Variants in TTC28 observed in about 807,000 individuals in gnomAD.
The protein encoded by TTC28 is tetratricopeptide repeat domain 28.
Under a neutral mutation model 198.0 loss-of-function variants are expected in TTC28, and 61 were observed. That is an observed-to-expected ratio of 0.31 (90% CI 0.25 to 0.38). TTC28 has a LOEUF of 0.38. TTC28 is among the 10% of genes least tolerant of loss of function. The pLI, the probability that TTC28 is intolerant of heterozygous loss-of-function variation, is 1.00. For missense variants in TTC28, 2,678 were observed against 3,164.0 expected (o/e 0.85, Z 3.69); for synonymous variants, 1,171 against 1,297.8 (o/e 0.90, Z 2.10).
intron 12 of TTC28, among the ~76,000 whole-genome samples, chr22:28,031,178 C>G (rs1939060165): frequency 1.3e-5 from 2 of 152,184 alleles, no homozygotes; most frequent in Admixed American, 1.3e-4. Context: ...GACACACGGA[C>G]AGCCAGGCCA....
At chr22:28,154,510 C>A (rs564080989) in intron 6 of TTC28, among the ~76,000 whole-genome samples, 2 of 152,050 alleles carry the variant, frequency 1.3e-5, no homozygotes, top group South Asian at 4.2e-4. Flanking sequence ...GCCGCCACGC[C>A]CAGCTAATTT....
At chr22:28,213,780 T>C (rs991285165) in intron 5 of TTC28, among the ~76,000 whole-genome samples, 1 of 152,048 alleles carries the variant, frequency 6.6e-6, no homozygotes, top group Non-Finnish European at 1.5e-5. Flanking sequence ...AAAAAACTAC[T>C]TTAAAGTTCA....
chr22:28,652,174 C>T (rs567669261), intron 1 of TTC28, among the ~76,000 whole-genome samples: 15 of 152,280 alleles, frequency 9.9e-5, no homozygotes, highest in Admixed American at 3.3e-4. Context: ...CATTATATTC[C>T]ATGCATCAAT....
At chr22:28,169,054 C>CA (rs1297470479) in intron 5 of TTC28, among the ~76,000 whole-genome samples, 2 of 152,024 alleles carry the variant, frequency 1.3e-5, no homozygotes, top group Non-Finnish European at 2.9e-5. Context: ...TTTATGCAGC[C>CA]AAAAAACACA....
chr22:28,556,828 T>C (rs936760505), intron 2 of TTC28, among the ~76,000 whole-genome samples: 4 of 152,176 alleles, frequency 2.6e-5, no homozygotes, highest in African/African-American at 9.7e-5. Flanking sequence ...CCTCATAAGC[T>C]GATGCTGGTT....
chr22:28,537,296 A>ATAACATAAC (rs1569008965), intron 2 of TTC28, among the ~76,000 whole-genome samples: 2 of 94,644 alleles, frequency 2.1e-5, no homozygotes, highest in African/African-American at 7.9e-5. Context: ...CCGTCTCAAA[A>ATAACATAAC]ATAAAATAAA....
At chr22:28,218,785 C>T (rs947970429) in intron 5 of TTC28, among the ~76,000 whole-genome samples, 4 of 151,934 alleles carry the variant, frequency 2.6e-5, no homozygotes, top group African/African-American at 9.7e-5. Context: ...ATTTTTAAGT[C>T]AAACTGGCTC....
At chr22:28,657,406 G>A (rs2051676660) in intron 1 of TTC28, among the ~76,000 whole-genome samples, 1 of 152,156 alleles carries the variant, frequency 6.6e-6, no homozygotes, top group African/African-American at 2.4e-5. Flanking sequence ...ACTCTCTACT[G>A]AGAACATCCA....
intron 1 of TTC28, among the ~76,000 whole-genome samples, chr22:28,677,506 G>C (rs2052017564): frequency 6.6e-6 from 1 of 152,004 alleles, no homozygotes; most frequent in Admixed American, 6.6e-5. Flanking sequence ...ACAAAAATTA[G>C]CCGGGTCTAG....
chr22:28,581,360 A>G (rs991980937), intron 2 of TTC28, among the ~76,000 whole-genome samples: 2 of 152,216 alleles, frequency 1.3e-5, no homozygotes, highest in Non-Finnish European at 2.9e-5. Context: ...ACCCAGCGTT[A>G]GGTATTTTAT....
At position 27,993,490 on chromosome 22, in the gene TTC28, T is replaced by C; in HGVS notation, c.5273A>G (p.Asn1758Ser). ...TGTGTACATGGCATTGCGCTGCCCA[T>C]TCTGGATGCGCTGCAGGGATTTCTC... is the stretch of plus-strand genomic sequence containing the variant. ...LVEKSLQRIQ[N>S]GQRNAMYTSQ... Residue 1758 changes from asparagine to serine, a missense_variant, in exon 18 of 23, where the codon AAT (asparagine) becomes AGT (serine). Around this residue, in one of 8 missense-constraint regions of TTC28, gnomAD observed 314 missense variants for 442.7 expected, o/e 0.71. Coordinates refer to ENST00000397906, the MANE Select transcript of TTC28 (RefSeq NM_001145418.2). The C allele has an allele frequency of 4.5e-6, 7 of 1,549,240 alleles. No homozygotes were observed. The highest frequency in any genetic ancestry group is 6.1e-6 in the Non-Finnish European group (7 of 1,145,290).
intron 2 of TTC28, among the ~76,000 whole-genome samples, chr22:28,373,942 G>T (rs2046373859): frequency 6.6e-6 from 1 of 152,162 alleles, no homozygotes. Context: ...GAAACATCCT[G>T]CCTCCCTTCT....
At chr22:28,395,098 T>A (rs1338138493) in intron 2 of TTC28, among the ~76,000 whole-genome samples, 1 of 152,192 alleles carries the variant, frequency 6.6e-6, no homozygotes, top group Non-Finnish European at 1.5e-5. Flanking sequence ...AATCTGGAGA[T>A]CAAAAGTACA....
In TTC28 at chr22:28,316,970, C is replaced by T. The variant is rs936293961; in HGVS notation, c.382-10327G>A. On this transcript the variant is annotated intron_variant, in intron 2 of 22. Coordinates refer to ENST00000397906, the MANE Select transcript of TTC28 (RefSeq NM_001145418.2). Reference sequence around the variant, plus strand: ...TTCTTTTTTTTTAGAGAGAGGATCTCGCTATGTTATCTAGGCTGGTCTCAA... The same window carrying T: ...TTCTTTTTTTTTAGAGAGAGGATCTTGCTATGTTATCTAGGCTGGTCTCAA... Among the ~76,000 whole-genome samples the T allele has an allele frequency of 6.6e-5, 10 of 152,048 alleles. No homozygotes were observed. In the South Asian group the frequency reaches 1.2e-3, roughly 19 times the overall value.
At chr22:28,485,758 G>A (rs1320133463) in intron 2 of TTC28, among the ~76,000 whole-genome samples, 2 of 152,062 alleles carry the variant, frequency 1.3e-5, no homozygotes, top group African/African-American at 4.8e-5. Context: ...CTGTGAAAAT[G>A]GAGGAAAATA....
In TTC28 at chr22:28,179,411, C is replaced by T. The variant is rs936397319; in HGVS notation, c.934-15812G>A. Among the ~76,000 whole-genome samples, 10 of 152,176 alleles carry T rather than the reference C, an allele frequency of 6.6e-5. No homozygotes were observed. The South Asian group carries it at 2.1e-3, about 32-fold the overall frequency. ...CTGACCTCAGGTGATCTGCCCTCCT[C>T]GGCCTCCCAAAGTGTTGGGATTAAA... On this transcript the variant is annotated intron_variant, in intron 5 of 22. Coordinates refer to ENST00000397906, the MANE Select transcript of TTC28 (RefSeq NM_001145418.2).
chr22:28,106,400 G>A (rs1003856292), intron 7 of TTC28, among the ~76,000 whole-genome samples: 2 of 152,166 alleles, frequency 1.3e-5, no homozygotes, highest in African/African-American at 4.8e-5. Context: ...CGTGGAAAGA[G>A]TATGACCAAA....
intron 6 of TTC28, among the ~76,000 whole-genome samples, chr22:28,127,185 C>T (rs1294844285): frequency 2.0e-5 from 3 of 152,130 alleles, no homozygotes; most frequent in Non-Finnish European, 2.9e-5. Context: ...ATATCTAGTA[C>T]AGACAAGACT....
intron 2 of TTC28, among the ~76,000 whole-genome samples, chr22:28,567,144 G>T (rs1043436457): frequency 6.6e-6 from 1 of 151,244 alleles, no homozygotes; most frequent in African/African-American, 2.4e-5. Flanking sequence ...GAACCCGGAA[G>T]GCAGAGATTG....
Sources: allele counts gnomAD v4.1 joint callset (sites outside exome capture counted in the v4.1 genomes callset), GRCh38; gene constraint gnomAD v4.1.1; regional missense constraint gnomAD v4.1.1; transcripts MANE v1.5; gene names NCBI Gene and HGNC (gene_info 2026-07-23, HGNC 2026-07-21).